Variants in ZDHHC20 observed in about 807,000 individuals in gnomAD.
ZDHHC20 encodes the protein palmitoyltransferase ZDHHC20.
A neutral mutation model predicts 57.8 loss-of-function variants in ZDHHC20; 43 were observed. The ratio of observed to expected loss-of-function variants is 0.74; its 90% CI spans 0.58 to 0.96. ZDHHC20 has a LOEUF of 0.96. Among genes scored for constraint, ZDHHC20 ranks in the 40% least tolerant of loss-of-function variants. The pLI, the probability that ZDHHC20 is intolerant of heterozygous loss-of-function variation, is 0.00. For synonymous variants in ZDHHC20, 157 were observed against 153.0 expected (o/e 1.03, Z -0.19); for missense variants, 391 against 441.1 (o/e 0.89, Z 1.02).
intron 1 of ZDHHC20, among the ~76,000 whole-genome samples, chr13:21,457,258 G>A (rs755743124): frequency 3.9e-5 from 6 of 152,126 alleles, no homozygotes; most frequent in Non-Finnish European, 5.9e-5. Context: ...CAACATAAAT[G>A]CACATTTTTA....
chr13:21,405,541 G>C (rs918362034), intron 4 of ZDHHC20, among the ~76,000 whole-genome samples: 9 of 152,132 alleles, frequency 5.9e-5, no homozygotes, highest in African/African-American at 2.2e-4. Context: ...CCTTGATTTT[G>C]GGTGTGTTGA....
At position 21,383,083 on chromosome 13, in the gene ZDHHC20, T is replaced by C. The variant is rs934716826; in HGVS notation, c.855-74A>G. On this transcript the variant is annotated intron_variant, in intron 9 of 12. Transcript: ENST00000400590. ...AAATGGTCAAATTTAACACTCATTT[T>C]TCAGAGACATGGCATACATTATCAT... The C allele has an allele frequency of 3.1e-6, 4 of 1,289,332 alleles. No homozygotes were observed. The African/African-American group carries it at 5.9e-5, about 19-fold the overall frequency. 79.9% of individuals were successfully genotyped at this position (1,289,332 alleles called of 1,614,324 possible). A position where few individuals can be genotyped will look rare whatever the true frequency, so the allele number is the denominator to read the frequency against.
chr13:21,422,114 C>T (rs1880708884), intron 2 of ZDHHC20, among the ~76,000 whole-genome samples: 1 of 151,772 alleles, frequency 6.6e-6, no homozygotes, highest in Admixed American at 6.6e-5. Flanking sequence ...ACAATAAATC[C>T]TCAATAAATA....
rs1874995419 is a variant in ZDHHC20, at chr13:21,388,408, G to A, written c.728-774C>T. Reference sequence around the variant, plus strand: ...AAAGGGATCCTAGAAGAGATGGGAAGGAGTCTAGAAAAGTTGTAAAGGTTA... The same window carrying A: ...AAAGGGATCCTAGAAGAGATGGGAAAGAGTCTAGAAAAGTTGTAAAGGTTA... On this transcript the variant is annotated intron_variant, in intron 8 of 12. Coordinates refer to ENST00000400590, the MANE Select transcript of ZDHHC20 (RefSeq NM_001330059.2). Among the ~76,000 whole-genome samples, 4 of 151,728 alleles carry A rather than the reference G, an allele frequency of 2.6e-5. No homozygotes were observed. The South Asian group carries it at 8.3e-4, about 32-fold the overall frequency.
At chr13:21,446,988 G>A (rs893547113) in intron 1 of ZDHHC20, among the ~76,000 whole-genome samples, 2 of 152,034 alleles carry the variant, frequency 1.3e-5, no homozygotes, top group Admixed American at 6.6e-5. Context: ...AAGAAAGGAC[G>A]CCAGTCAAGA....
At chr13:21,426,068 T>G (rs17066365) in intron 1 of ZDHHC20, among the ~76,000 whole-genome samples, 2,712 of 152,342 alleles carry the variant, frequency 0.018, 73 homozygotes, top group African/African-American at 0.062. Flanking sequence ...TTTGTGAATC[T>G]ATACTCAAGA....
chr13:21,422,759 C>T (rs944463398), intron 2 of ZDHHC20, among the ~76,000 whole-genome samples: 17 of 152,228 alleles, frequency 1.1e-4, no homozygotes, highest in African/African-American at 3.1e-4. Context: ...GCTTCCAATC[C>T]ATCTCAGTGG....
intron 12 of ZDHHC20, chr13:21,377,187 A>G (rs1872253741): frequency 4.9e-6 from 1 of 203,516 alleles, no homozygotes; most frequent in Admixed American, 6.0e-5. Flanking sequence ...TTCTGACTGC[A>G]GCGCACTCGG....
Position 21,391,718 on chromosome 13 carries a change from T to G in ZDHHC20, c.727+4A>C, listed in dbSNP as rs754750454. ...GTAATTATAATTTATTTTAACCTAC[T>G]TACCTATTGTTGTTCTATTTTTTCC... On this transcript the variant is annotated splice_donor_region_variant and intron_variant, in intron 8 of 12. Coordinates refer to ENST00000400590, the MANE Select transcript of ZDHHC20 (RefSeq NM_001330059.2). The G allele has an allele frequency of 6.2e-7, 1 of 1,600,038 alleles. No homozygotes were observed. The highest frequency in any genetic ancestry group is 1.8e-5 in the Admixed American group (1 of 56,228).
chr13:21,434,106 C>A (rs201559249), intron 1 of ZDHHC20, among the ~76,000 whole-genome samples: 1 of 142,628 alleles, frequency 7.0e-6, no homozygotes, highest in Non-Finnish European at 1.6e-5. Context: ...GTGTGTGTGT[C>A]TGTGTGTCTG....
chr13:21,383,029 AATAATTTAAAT>A lies in ZDHHC20; in HGVS notation c.855-31_855-21del. 2 of 1,537,170 alleles carry A rather than the reference AATAATTTAAAT, an allele frequency of 1.3e-6. No individual in the cohort carries two copies. Among genetic ancestry groups the A allele is most frequent in the Non-Finnish European group, 1.8e-6 (2 of 1,134,028 alleles). On this transcript the variant is annotated intron_variant, in intron 9 of 12. Transcript: ENST00000400590. ...CCCAAGCTGCATAATGAAAAAGAGT[AATAATTTAAAT>A]AATGTTAAGTTAAATCAAAATGGTC...
At chr13:21,408,492 TTA>T (rs1878762044) in intron 4 of ZDHHC20, among the ~76,000 whole-genome samples, 1 of 152,242 alleles carries the variant, frequency 6.6e-6, no homozygotes, top group African/African-American at 2.4e-5. Context: ...CTGAAGTTGC[TTA>T]TCAGCTTAAG....
chr13:21,446,698 A>G (rs1001162209), intron 1 of ZDHHC20, among the ~76,000 whole-genome samples: 9 of 152,172 alleles, frequency 5.9e-5, no homozygotes, highest in Non-Finnish European at 1.0e-4. Context: ...CTGTTCAAGT[A>G]TATGTTCTAC....
intron 12 of ZDHHC20, chr13:21,377,620 G>A (rs71427941): frequency 3.1e-4 from 30 of 95,404 alleles, no homozygotes; most frequent in African/African-American, 7.8e-4. Flanking sequence ...TCTGCCCGAC[G>A]TGACCTCCAC....
intron 10 of ZDHHC20, chr13:21,382,023 AG>A: frequency 4.4e-6 from 2 of 459,412 alleles, no homozygotes; most frequent in Non-Finnish European, 8.9e-6. Context: ...GAGGGAATGG[AG>A]GAAGGAAAGG....
intron 1 of ZDHHC20, among the ~76,000 whole-genome samples, chr13:21,453,497 A>G (rs889480075): frequency 2.0e-5 from 3 of 152,232 alleles, no homozygotes; most frequent in Non-Finnish European, 4.4e-5. Context: ...AGCAACAAAC[A>G]GCACAATACA....
At chr13:21,390,301 T>C (rs1875439360) in intron 8 of ZDHHC20, 1 of 152,236 alleles carries the variant, frequency 6.6e-6, no homozygotes, top group Non-Finnish European at 1.5e-5. Context: ...GATACATGAA[T>C]ATTTCAATGA....
intron 1 of ZDHHC20, among the ~76,000 whole-genome samples, chr13:21,458,479 G>A (rs1008819374): frequency 1.3e-5 from 2 of 151,812 alleles, no homozygotes; most frequent in Non-Finnish European, 2.9e-5. Context: ...ACAATGAGTC[G>A]AGTACCACCA....
rs937017272 is a variant in ZDHHC20, at chr13:21,405,011, T to G, written c.371-2145A>C. 5.3e-5 allele frequency among the ~76,000 whole-genome samples: 8 copies of G among 152,184 alleles called. No homozygotes were observed. The South Asian group carries it at 1.7e-3, about 32-fold the overall frequency. On this transcript the variant is annotated intron_variant, in intron 4 of 12. Coordinates refer to ENST00000400590, the MANE Select transcript of ZDHHC20 (RefSeq NM_001330059.2). The stretch of plus-strand genomic sequence containing the variant: ...CTATTTGATTGTCACTTGTATATAG[T>G]TCTACAATACTCTGTTATATATAAA...
Sources: gnomAD v4.1 joint callset for allele counts (sites outside exome capture counted in the v4.1 genomes callset) on GRCh38, gnomAD v4.1.1 for gene constraint, MANE v1.5 for transcripts, NCBI Gene and HGNC (gene_info 2026-07-23, HGNC 2026-07-21) for gene names.